Variants in INSIG2 observed in about 807,000 individuals in gnomAD.
The protein encoded by INSIG2 is insulin-induced gene 2 protein.
INSIG2 carries 10 observed loss-of-function variants against 27.2 expected under a neutral mutation model. The ratio of observed to expected loss-of-function variants is 0.37; its 90% CI spans 0.23 to 0.62. The LOEUF is 0.62. Among genes scored for constraint, INSIG2 ranks in the 20% least tolerant of loss-of-function variants. INSIG2 has a pLI of 0.65. For missense variants in INSIG2, 178 were observed against 270.2 expected (o/e 0.66, Z 2.39); for synonymous variants, 97 against 95.8 (o/e 1.01, Z -0.07).
chr2:118,094,912 A>G (rs1380326503), intron 1 of INSIG2, among the ~76,000 whole-genome samples: 2 of 152,234 alleles, frequency 1.3e-5, no homozygotes, highest in Non-Finnish European at 1.5e-5. Flanking sequence ...ATTAGGAGCT[A>G]GGTTTGCTCT....
intron 1 of INSIG2, among the ~76,000 whole-genome samples, chr2:118,094,179 T>TGAGGAGGAGGAG (rs1303495471): frequency 8.3e-6 from 1 of 121,050 alleles, no homozygotes. Context: ...ATGATGATGA[T>TGAGGAGGAGGAG]GAGGAGGAGG....
chr2:118,094,010 A>AGATGAT (rs372312794), intron 1 of INSIG2, among the ~76,000 whole-genome samples: 769 of 11,622 alleles, frequency 0.066, 59 homozygotes, highest in Non-Finnish European at 0.081. Context: ...AAAAGCAACC[A>AGATGAT]GATGATGATG....
chr2:118,104,033 T>C (rs1204379154), intron 3 of INSIG2, among the ~76,000 whole-genome samples: 1 of 152,200 alleles, frequency 6.6e-6, no homozygotes, highest in African/African-American at 2.4e-5. Flanking sequence ...ATTTCCTCTC[T>C]TGTACTTCCT....
chr2:118,091,552 T>C (rs1244932823), intron 1 of INSIG2, among the ~76,000 whole-genome samples: 4 of 152,232 alleles, frequency 2.6e-5, no homozygotes, highest in Admixed American at 1.3e-4. Flanking sequence ...TATATACAAC[T>C]TTTTTGTTTT....
intron 1 of INSIG2, among the ~76,000 whole-genome samples, chr2:118,094,134 T>A (rs1678347872): frequency 7.2e-6 from 1 of 139,734 alleles, no homozygotes; most frequent in African/African-American, 2.8e-5. Flanking sequence ...AGGAGAGTTC[T>A]GTAGCTACTG....
intron 1 of INSIG2, among the ~76,000 whole-genome samples, chr2:118,091,755 G>A (rs76528614): frequency 4.0e-4 from 61 of 152,272 alleles, no homozygotes; most frequent in African/African-American, 1.3e-3. Context: ...CTTTTGGGGC[G>A]AAGTAGAAAA....
chr2:118,094,739 G>C (rs1004224057), intron 1 of INSIG2, among the ~76,000 whole-genome samples: 3 of 152,164 alleles, frequency 2.0e-5, no homozygotes, highest in Non-Finnish European at 4.4e-5. Flanking sequence ...GAACTGACAG[G>C]TTGTGGAGGT....
intron 1 of INSIG2, among the ~76,000 whole-genome samples, chr2:118,093,068 A>G (rs1215978317): frequency 6.6e-4 from 70 of 106,044 alleles, no homozygotes; most frequent in African/African-American, 2.3e-3. Context: ...GAACCTTGCC[A>G]AAAGCAACCA....
At chr2:118,096,849 G>A in intron 2 of INSIG2, 49 bp downstream of exon 2, 2 of 1,572,900 alleles carry the variant, frequency 1.3e-6, no homozygotes, top group Non-Finnish European at 8.6e-7. Context: ...TAGGGTAAAT[G>A]AGTATGGACG....
chr2:118,099,215 G>A (rs1348488016), intron 2 of INSIG2, among the ~76,000 whole-genome samples: 2 of 152,210 alleles, frequency 1.3e-5, no homozygotes, highest in Non-Finnish European at 2.9e-5. Flanking sequence ...CCTCGCTAGG[G>A]TCTTACCATC....
At chr2:118,093,863 TGAGGAG>T (rs1200944089) in intron 1 of INSIG2, among the ~76,000 whole-genome samples, 26 of 42,066 alleles carry the variant, frequency 6.2e-4, no homozygotes, top group African/African-American at 1.7e-3. Flanking sequence ...ATGATGATGA[TGAGGAG>T]GAGGAGGAGG....
chr2:118,103,464 A>C, intron 3 of INSIG2, 143 bp downstream of exon 3: 3 of 648,802 alleles, frequency 4.6e-6, no homozygotes, highest in Non-Finnish European at 7.6e-6. Context: ...ATATTGTTGA[A>C]ACATCGGTGT....
At chr2:118,099,842 C>T (rs1261675612) in intron 2 of INSIG2, among the ~76,000 whole-genome samples, 2 of 152,176 alleles carry the variant, frequency 1.3e-5, no homozygotes, top group Non-Finnish European at 2.9e-5. Flanking sequence ...TGGTCCATCC[C>T]TCAATGGCTG....
At chr2:118,100,245 T>A (rs778390617) in intron 2 of INSIG2, among the ~76,000 whole-genome samples, 12 of 152,234 alleles carry the variant, frequency 7.9e-5, no homozygotes, top group Non-Finnish European at 1.3e-4. Flanking sequence ...CCCAGCACCT[T>A]GCCTTCCCCT....
At chr2:118,099,321 C>A (rs746347567) in intron 2 of INSIG2, among the ~76,000 whole-genome samples, 8 of 152,186 alleles carry the variant, frequency 5.3e-5, no homozygotes, top group African/African-American at 1.9e-4. Flanking sequence ...CCAGAATCAC[C>A]ACCTTCTGTG....
chr2:118,108,114 C>T (rs575010211), intron 5 of INSIG2, among the ~76,000 whole-genome samples, 167 bp from the exon 6 acceptor site: 1 of 152,142 alleles, frequency 6.6e-6, no homozygotes, highest in South Asian at 2.1e-4. Context: ...TTTTCCCTGT[C>T]ACATTTGTCA....
intron 1 of INSIG2, among the ~76,000 whole-genome samples, chr2:118,091,510 T>G (rs888196802): frequency 2.0e-5 from 3 of 152,234 alleles, no homozygotes; most frequent in Non-Finnish European, 4.4e-5. Context: ...TTATATAAAT[T>G]ATGGAACTTT....
At chr2:118,104,214 A>G (rs1299894801) in intron 3 of INSIG2, among the ~76,000 whole-genome samples, 1 of 152,162 alleles carries the variant, frequency 6.6e-6, no homozygotes, top group African/African-American at 2.4e-5. Flanking sequence ...TCTGCACTGG[A>G]CTTGGGGCAG....
chr2:118,096,857 A>G, intron 2 of INSIG2, 57 bp downstream of exon 2: 1 of 1,545,800 alleles, frequency 6.5e-7, no homozygotes, highest in Non-Finnish European at 8.7e-7. Flanking sequence ...ATGAGTATGG[A>G]CGTTGTCTGA....
Sources: gnomAD v4.1 joint callset for allele counts (sites outside exome capture counted in the v4.1 genomes callset) on GRCh38, gnomAD v4.1.1 for gene constraint, MANE v1.5 for transcripts, NCBI Gene and HGNC (gene_info 2026-07-23, HGNC 2026-07-21) for gene names.